Variants in MX2 observed in about 807,000 individuals in gnomAD.
MX2 encodes the protein interferon-induced GTP-binding protein Mx2.
Under a neutral mutation model 74.0 loss-of-function variants are expected in MX2, and 51 were observed. The observed-to-expected ratio is 0.69, with a 90% CI of 0.55 to 0.87. The LOEUF is 0.87. MX2 is among the 40% of genes least tolerant of loss of function. The pLI is 0.00. For synonymous variants in MX2, 369 were observed against 339.3 expected, an observed-to-expected ratio of 1.09 and a Z score of -0.96; for missense variants, 832 against 908.7, an observed-to-expected ratio of 0.92 and a Z score of 1.09.
intron 1 of MX2, chr21:41,374,032 G>A (rs1266453698): frequency 1.3e-5 from 2 of 152,564 alleles, no homozygotes; most frequent in East Asian, 3.9e-4. Context: ...GAGAAGCCTA[G>A]TGTCCCCTCC....
chr21:41,408,259 T>C lies in MX2; in HGVS notation c.*26T>C, dbSNP rs1311527809. Reference sequence around the variant, plus strand: ...AGGGCGGCGATGCCTGTGGTTGTTTTCTTGTGCGTACTCATTCATTCTAAG... The same window carrying C: ...AGGGCGGCGATGCCTGTGGTTGTTTCCTTGTGCGTACTCATTCATTCTAAG... On this transcript the variant is annotated 3_prime_UTR_variant, in exon 14 of 14. Coordinates refer to ENST00000330714, the MANE Select transcript of MX2 (RefSeq NM_002463.2). 1.2e-6 allele frequency: 2 copies of C among 1,611,544 alleles called. No homozygotes were observed. Among genetic ancestry groups the C allele is most frequent in the African/African-American group, 2.7e-5 (2 of 74,848 alleles).
chr21:41,400,703 CT>C (rs1410594920), intron 10 of MX2, among the ~76,000 whole-genome samples: 3 of 151,534 alleles, frequency 2.0e-5, no homozygotes, highest in African/African-American at 7.3e-5. Flanking sequence ...CTGCCAAACA[CT>C]TTATTTATTT....
chr21:41,389,164 T>C (rs1270478911), intron 5 of MX2, among the ~76,000 whole-genome samples: 1 of 151,986 alleles, frequency 6.6e-6, no homozygotes, highest in Admixed American at 6.6e-5. Context: ...ATAGCATCTA[T>C]TATTCAATGA....
intron 5 of MX2, among the ~76,000 whole-genome samples, chr21:41,386,236 A>C (rs9975930): frequency 2.1e-3 from 295 of 140,198 alleles, no homozygotes; most frequent in African/African-American, 3.7e-3. Flanking sequence ...AAAAAAAAAA[A>C]AAAAAAAAAA....
intron 6 of MX2, among the ~76,000 whole-genome samples, chr21:41,394,680 T>C (rs9976700): frequency 0.094 from 14,334 of 152,184 alleles, 993 homozygotes; most frequent in South Asian, 0.22. Context: ...CGGTGGCTCA[T>C]GCCTGTAATC....
chr21:41,378,177 G>C (rs1443133136), intron 3 of MX2, among the ~76,000 whole-genome samples, 196 bp downstream of exon 3: 8 of 151,864 alleles, frequency 5.3e-5, no homozygotes, highest in Non-Finnish European at 1.0e-4. Context: ...GCCTCTGGGA[G>C]ACAGGCTGCT....
chr21:41,387,990 T>G (rs766995700), intron 5 of MX2, among the ~76,000 whole-genome samples: 4 of 152,080 alleles, frequency 2.6e-5, no homozygotes, highest in Non-Finnish European at 5.9e-5. Flanking sequence ...CTGGCTCTGC[T>G]TCAAATAACA....
chr21:41,404,627 C>G (rs1166523589), intron 12 of MX2: 1 of 152,076 alleles, frequency 6.6e-6, no homozygotes, highest in African/African-American at 2.4e-5. Context: ...AGAGGTCACC[C>G]TCGTGTAAGG....
chr21:41,409,243 A>G lies in MX2; in HGVS notation c.*1010A>G, dbSNP rs2089923920. On this transcript the variant is annotated 3_prime_UTR_variant, in exon 14 of 14. Transcript: ENST00000330714. ...TGAGACTCTGTCTCTGAATACACAC[A>G]CACACACACACACACATACACAGAG... The G allele has an allele frequency of 6.6e-6, 1 of 152,106 alleles. No individual in the cohort carries two copies. The highest frequency in any genetic ancestry group is 6.5e-5 in the Admixed American group (1 of 15,276). 9.4% of individuals were successfully genotyped at this position (152,106 alleles called of 1,614,324 possible). A position where few individuals can be genotyped will look rare whatever the true frequency, so the allele number is the denominator to read the frequency against.
intron 1 of MX2, among the ~76,000 whole-genome samples, chr21:41,374,608 C>A (rs1011713075): frequency 6.6e-6 from 1 of 152,232 alleles, no homozygotes; most frequent in African/African-American, 2.4e-5. Flanking sequence ...TGTCCCACCT[C>A]AGGATGGGAG....
rs2089924543 is a variant in MX2 at position 41,409,313 on chromosome 21, T to A, written c.*1080T>A. The A allele has an allele frequency of 6.6e-6, 1 of 152,186 alleles. No individual in the cohort carries two copies. Among genetic ancestry groups the A allele is most frequent in the Admixed American group, 6.5e-5 (1 of 15,276 alleles). The allele number at this position is 152,186 out of a possible 1,614,324, so 9.4% of individuals were successfully genotyped here. A position where few individuals can be genotyped will look rare whatever the true frequency, so the allele number is the denominator to read the frequency against. ...CACCAGTGATCATCATTATGGGTAA[T>A]TTTCTTTTCTTCTTCATGTTTTCCT... is the stretch of plus-strand genomic sequence containing the variant. On this transcript the variant is annotated 3_prime_UTR_variant, in exon 14 of 14. Coordinates refer to ENST00000330714, the MANE Select transcript of MX2 (RefSeq NM_002463.2).
chr21:41,397,563 AG>A, intron 7 of MX2, 49 bp from the exon 8 acceptor site: 1 of 1,551,290 alleles, frequency 6.4e-7, no homozygotes, highest in Non-Finnish European at 8.9e-7. Flanking sequence ...GGTACTAGCA[AG>A]ATGGTACACA....
At chr21:41,378,525 G>A (rs74519710) in intron 3 of MX2, among the ~76,000 whole-genome samples, 6,242 of 152,326 alleles carry the variant, frequency 0.041, 170 homozygotes, top group African/African-American at 0.086. Flanking sequence ...GGTGACAGGC[G>A]AAGCCTTCTT....
In MX2 at chr21:41,395,744, C is replaced by T; in HGVS notation, c.1029C>T (p.Thr343=). ...ITNRLSLAEA[T]KKEITFFQTH... ...ACAGGCTGAGCTTGGCAGAGGCAAC[C>T]AAGAAAGAAATTACATTCTTTCAAA... The change falls in exon 7 of 14, where the codon ACC becomes ACT. Residue 343 remains threonine, a synonymous_variant. Coordinates refer to ENST00000330714, the MANE Select transcript of MX2 (RefSeq NM_002463.2). 1 of 1,614,158 alleles carries T rather than the reference C, an allele frequency of 6.2e-7. No homozygotes were observed. The highest frequency in any genetic ancestry group is 8.5e-7 in the Non-Finnish European group (1 of 1,180,038).
chr21:41,387,580 A>G (rs779227808), intron 5 of MX2, among the ~76,000 whole-genome samples: 2 of 151,920 alleles, frequency 1.3e-5, no homozygotes, highest in African/African-American at 2.4e-5. Flanking sequence ...ATTGTTCCTC[A>G]CTTCCCTGAC....
intron 12 of MX2, chr21:41,403,726 A>C (rs2089848139): frequency 2.1e-6 from 1 of 469,304 alleles, no homozygotes; most frequent in Non-Finnish European, 4.4e-6. Flanking sequence ...ATGTTGCCGT[A>C]GCTCTGTGGG....
chr21:41,370,721 A>G (rs1054093647), intron 1 of MX2: 6 of 152,260 alleles, frequency 3.9e-5, no homozygotes, highest in African/African-American at 1.4e-4. Context: ...CAGGGTGCTC[A>G]TATAGGAGGC....
At chr21:41,364,032 T>C (rs2089241115) in intron 1 of MX2, 1 of 154,486 alleles carries the variant, frequency 6.5e-6, no homozygotes, top group African/African-American at 2.4e-5. Context: ...ACAGGCTCTC[T>C]TGAGAATTTG....
rs781471299 is a variant in MX2, at chr21:41,403,299, A to C, written c.1606A>C (p.Lys536Gln). 2.7e-5 allele frequency: 44 copies of C among 1,613,224 alleles called. No individual in the cohort carries two copies. Among genetic ancestry groups the C allele is most frequent in the Non-Finnish European group, 3.6e-5 (43 of 1,179,586 alleles). Reference protein sequence around the residue: ...IIQQAFINVAKKHFGEFFNLN... With the variant: ...IIQQAFINVAQKHFGEFFNLN... ...CCAGCAAGCTTTCATTAACGTGGCCAAAAAACATTTTGGCGAATTTTTCAA... is the reference window on the plus strand; with the variant it reads ...CCAGCAAGCTTTCATTAACGTGGCCCAAAAACATTTTGGCGAATTTTTCAA... Residue 536 changes from lysine to glutamine, a missense_variant, in exon 12 of 14, where the codon AAA (lysine) becomes CAA (glutamine). Physicochemically the swap from Lys to Gln is moderately conservative, Grantham distance 53 (BLOSUM62 1). Coordinates refer to ENST00000330714, the MANE Select transcript of MX2 (RefSeq NM_002463.2).
Sources: gnomAD v4.1 joint callset for allele counts (sites outside exome capture counted in the v4.1 genomes callset) on GRCh38, gnomAD v4.1.1 for gene constraint, MANE v1.5 for transcripts, NCBI Gene and HGNC (gene_info 2026-07-23, HGNC 2026-07-21) for gene names.